Variants in SORCS2 observed in about 807,000 individuals in gnomAD.
The protein encoded by SORCS2 is VPS10 domain-containing receptor SorCS2.
In SORCS2, 100 loss-of-function variants were observed where a neutral mutation model predicts 141.6. The ratio of observed to expected loss-of-function variants is 0.71; its 90% CI spans 0.60 to 0.83. The LOEUF is 0.83. Ranked by LOEUF, SORCS2 falls within the 40% of genes least tolerant of loss-of-function variation. SORCS2 has a pLI of 0.00. For missense variants in SORCS2, 1,646 were observed against 1,560.2 expected (o/e 1.05, Z -0.93); for synonymous variants, 789 against 676.9 (o/e 1.17, Z -2.57).
chr4:7,527,088 CTG>C (rs549112627), intron 2 of SORCS2, among the ~76,000 whole-genome samples: 171 of 152,350 alleles, frequency 1.1e-3, no homozygotes, highest in African/African-American at 4.0e-3. Flanking sequence ...CCAGCCCTCT[CTG>C]TGGCCCTGGG....
chr4:7,268,457 C>A (rs1215112069), intron 1 of SORCS2, among the ~76,000 whole-genome samples: 2 of 152,188 alleles, frequency 1.3e-5, no homozygotes, highest in East Asian at 3.9e-4. Flanking sequence ...TGCAATGGGG[C>A]CGTCAAACTG....
Position 7,201,586 on chromosome 4 carries a change from G to C in SORCS2, c.480+8460G>C, listed in dbSNP as rs566615652. ...TGGAGAGCAGACTGGAGTGACGGGC[G>C]AATCAGCTGGGACGCTGCCGAGAAC... is the stretch of plus-strand genomic sequence containing the variant. On this transcript the variant is annotated intron_variant, in intron 1 of 26. Transcript: ENST00000507866. This position sits in a 1 kb window ranked among gnomAD's most constrained non-coding sequence, Gnocchi z 4.4. Among the ~76,000 whole-genome samples the C allele has an allele frequency of 1.7e-3, 266 of 152,292 alleles. No individual in the cohort carries two copies. Among genetic ancestry groups the C allele is most frequent in the Non-Finnish European group, 2.2e-3 (148 of 68,016 alleles).
In SORCS2 at chr4:7,388,007, C is replaced by T. The variant is rs561687818; in HGVS notation, c.481-8281C>T. 4.5e-3 allele frequency among the ~76,000 whole-genome samples: 519 copies of T among 115,686 alleles called. 3 individuals carry two copies. The highest frequency in any genetic ancestry group is 8.2e-3 in the South Asian group (27 of 3,298). 75.9% of individuals were successfully genotyped at this position (115,686 alleles called of 152,430 possible). ...ACATGCACACATGCACACACATGCA[C>T]ATGCATACAGATACACAGATACGCA... On this transcript the variant is annotated intron_variant, in intron 1 of 26. Transcript: ENST00000507866.
In SORCS2 at chr4:7,434,524, A is replaced by G. The variant is rs1450120026; in HGVS notation, c.548+38169A>G. 3 of 1,612,934 alleles carry G rather than the reference A, an allele frequency of 1.9e-6. No homozygotes were observed. The Admixed American group carries it at 5.0e-5, about 27-fold the overall frequency. ...GTCCGGGGCCCCACGGAGCATGCTC[A>G]GGATGGCCGAACTGTGGGCATCCAC... On this transcript the variant is annotated intron_variant, in intron 2 of 26. Transcript: ENST00000507866.
At chr4:7,568,128 C>G (rs939621635) in intron 3 of SORCS2, among the ~76,000 whole-genome samples, 1 of 152,174 alleles carries the variant, frequency 6.6e-6, no homozygotes, top group African/African-American at 2.4e-5. Flanking sequence ...AAACCAAGGT[C>G]AAGATGCTAG....
At chr4:7,292,244 G>A (rs1024013617) in intron 1 of SORCS2, among the ~76,000 whole-genome samples, 4 of 151,960 alleles carry the variant, frequency 2.6e-5, no homozygotes, top group African/African-American at 7.2e-5. Flanking sequence ...CACCAAGGAG[G>A]CTCCCCCGCA....
rs367711007 is a variant in SORCS2, at chr4:7,686,854, G to T, written c.1489-2632G>T. Among the ~76,000 whole-genome samples, 3 of 152,214 alleles carry T rather than the reference G, an allele frequency of 2.0e-5. No homozygotes were observed. The East Asian group carries it at 5.8e-4, about 29-fold the overall frequency. ...CCGTCTGTTTGGCCGTCAGCAGGCCGCAAGGCGAATGCAAAAGGGTTCATA... is the reference window on the plus strand; with the variant it reads ...CCGTCTGTTTGGCCGTCAGCAGGCCTCAAGGCGAATGCAAAAGGGTTCATA... On this transcript the variant is annotated intron_variant, in intron 10 of 26. Transcript: ENST00000507866.
At chr4:7,247,144 A>G (rs1254377960) in intron 1 of SORCS2, among the ~76,000 whole-genome samples, 1 of 152,188 alleles carries the variant, frequency 6.6e-6, no homozygotes, top group East Asian at 1.9e-4. Context: ...TTCTGAGCCC[A>G]GGGGTCACCA....
At chr4:7,478,139 A>G (rs1488376690) in intron 2 of SORCS2, among the ~76,000 whole-genome samples, 1 of 152,138 alleles carries the variant, frequency 6.6e-6, no homozygotes, top group Non-Finnish European at 1.5e-5. Context: ...GCAGCAGACC[A>G]CCCATAACGG....
At chr4:7,683,199 T>G (rs1052025317) in intron 10 of SORCS2, among the ~76,000 whole-genome samples, 4 of 151,868 alleles carry the variant, frequency 2.6e-5, no homozygotes, top group Non-Finnish European at 5.9e-5. Context: ...GCTGATCTTG[T>G]CTGGGCTGAG....
At chr4:7,622,246 G>A (rs921433651) in intron 3 of SORCS2, among the ~76,000 whole-genome samples, 33 of 152,126 alleles carry the variant, frequency 2.2e-4, no homozygotes, top group Admixed American at 1.3e-3. Flanking sequence ...CTTCAAAAGG[G>A]GCAGGATCGA....
At chr4:7,291,135 T>C (rs1276608381) in intron 1 of SORCS2, among the ~76,000 whole-genome samples, 1 of 152,042 alleles carries the variant, frequency 6.6e-6, no homozygotes, top group Non-Finnish European at 1.5e-5. Flanking sequence ...CCTGGGTGTC[T>C]AAGGCAGAGG....
At chr4:7,517,478 A>G (rs938898123) in intron 2 of SORCS2, among the ~76,000 whole-genome samples, 12 of 152,138 alleles carry the variant, frequency 7.9e-5, no homozygotes, top group Non-Finnish European at 1.5e-4. Context: ...CTTTGAAAAC[A>G]CTCAATACGT....
intron 1 of SORCS2, among the ~76,000 whole-genome samples, chr4:7,292,441 A>G (rs1033143617): frequency 6.6e-6 from 1 of 152,238 alleles, no homozygotes; most frequent in Admixed American, 6.5e-5. Flanking sequence ...AGGAAGATGC[A>G]CTGGTGTGGA....
rs188712558 is a variant in SORCS2 at position 7,440,817 on chromosome 4, G to T, written c.548+44462G>T. 1.8e-3 allele frequency among the ~76,000 whole-genome samples: 277 copies of T among 152,282 alleles called. 1 individual carries two copies. In the Middle Eastern group the frequency reaches 0.031, roughly 17 times the overall value. On this transcript the variant is annotated intron_variant, in intron 2 of 26. Coordinates refer to ENST00000507866, the MANE Select transcript of SORCS2 (RefSeq NM_020777.3). ...TGGGGCCTCGAGGGTGGGCATCACG[G>T]GTCACTCATTTCACGATCATTTTCC...
At chr4:7,499,310 C>G (rs1443493466) in intron 2 of SORCS2, among the ~76,000 whole-genome samples, 1 of 152,056 alleles carries the variant, frequency 6.6e-6, no homozygotes, top group African/African-American at 2.4e-5. Context: ...GACATGGGAG[C>G]CTAACTCAGG....
intron 1 of SORCS2, among the ~76,000 whole-genome samples, chr4:7,251,902 G>A (rs879333102): frequency 1.3e-5 from 2 of 152,170 alleles, no homozygotes; most frequent in African/African-American, 2.4e-5. Context: ...GGGTGGCAAG[G>A]AGAAAGGGGA....
chr4:7,403,965 A>G (rs376046294), intron 2 of SORCS2, among the ~76,000 whole-genome samples: 15,817 of 31,590 alleles, frequency 0.5, 1,773 homozygotes, highest in East Asian at 0.58. Flanking sequence ...ATGTGTGTAT[A>G]TATATATATA....
chr4:7,738,193 A>G (rs1462192473), intron 26 of SORCS2, among the ~76,000 whole-genome samples: 4 of 152,216 alleles, frequency 2.6e-5, no homozygotes, highest in African/African-American at 9.6e-5. Context: ...TGAGGGGGGA[A>G]ACTGAGGCCC....
Sources: allele counts gnomAD v4.1 joint callset (sites outside exome capture counted in the v4.1 genomes callset), GRCh38; gene constraint gnomAD v4.1.1; non-coding constraint Gnocchi (gnomAD v3.1); transcripts MANE v1.5; gene names NCBI Gene and HGNC (gene_info 2026-07-23, HGNC 2026-07-21).